GPR85: variants seen among roughly 807,000 people sequenced by gnomAD.
GPR85 encodes probable G protein-coupled receptor 85.
Under a neutral mutation model 21.3 loss-of-function variants are expected in GPR85, and 7 were observed. The observed-to-expected ratio is 0.33, with a 90% CI of 0.19 to 0.62. GPR85 has a LOEUF of 0.62. Among genes scored for constraint, GPR85 ranks in the 20% least tolerant of loss-of-function variants. The probability of loss-of-function intolerance (pLI) is 0.80; values close to 1 mark genes in which losing one functional copy is unlikely to be tolerated. For missense variants in GPR85, 299 were observed against 443.8 expected, an observed-to-expected ratio of 0.67 and a Z score of 2.93; for synonymous variants, 167 against 166.1, an observed-to-expected ratio of 1.01 and a Z score of -0.04.
rs201467331 is a variant in GPR85, at chr7:113,084,780, C to G, written c.-59G>C. 5 of 1,254,272 alleles carry G rather than the reference C, an allele frequency of 4.0e-6. No individual in the cohort carries two copies. The East Asian group carries it at 1.2e-4, about 30-fold the overall frequency. The allele number at this position is 1,254,272 out of a possible 1,614,324, so 77.7% of individuals were successfully genotyped here. On this transcript the variant is annotated 5_prime_UTR_variant, in exon 3 of 3. Transcript: ENST00000424100. ...AAGTCTCATGATCTAGATATAAGAA[C>G]AAGGAAAAGATAGATCCATACATTT...
chr7:113,084,810 G>T lies in GPR85; in HGVS notation c.-89C>A. ...AAAAGATAGATCCATACATTTTACT[G>T]AAAATATAATCCACAAAGAGAACTG... On this transcript the variant is annotated 5_prime_UTR_variant, in exon 3 of 3. An upstream open reading frame in the 5' UTR gains an earlier in-frame stop. Transcript: ENST00000424100. 4 of 849,524 alleles carry T rather than the reference G, an allele frequency of 4.7e-6. No homozygotes were observed. Among genetic ancestry groups the T allele is most frequent in the Non-Finnish European group, 7.0e-6 (4 of 572,214 alleles). 52.6% of individuals were successfully genotyped at this position (849,524 alleles called of 1,614,324 possible). A position where few individuals can be genotyped will look rare whatever the true frequency, so the allele number is the denominator to read the frequency against.
chr7:113,083,480 A>C lies in GPR85; in HGVS notation c.*129T>G. On this transcript the variant is annotated 3_prime_UTR_variant, in exon 3 of 3. Transcript: ENST00000424100. The surrounding 1 kb of genome is among the most constrained non-coding windows in gnomAD (Gnocchi z 4.4). ...ATAGGTGAACTATTGCAAAGACTGC[A>C]GAATGTTGCCCAAATCCTTAAAACT... 1 of 816,972 alleles carries C rather than the reference A, an allele frequency of 1.2e-6. No homozygotes were observed. The highest frequency in any genetic ancestry group is 2.0e-6 in the Non-Finnish European group (1 of 499,842). 50.6% of individuals were successfully genotyped at this position (816,972 alleles called of 1,614,324 possible).
intron 2 of GPR85, 150 bp from the exon 3 acceptor site, chr7:113,085,041 G>T: frequency 4.4e-6 from 1 of 229,000 alleles, no homozygotes; most frequent in Non-Finnish European, 8.6e-6. Flanking sequence ...TTTTGCTCGA[G>T]ATTTCAGAGA....
In GPR85 at chr7:113,084,641, C is replaced by T. The variant is rs752455459; in HGVS notation, c.81G>A (p.Leu27=). The change falls in exon 3 of 3, where the codon TTG becomes TTA. Residue 27 remains leucine, a synonymous_variant. Coordinates refer to ENST00000424100, the MANE Select transcript of GPR85 (RefSeq NM_001146267.2). ...PLTAFLKLTS[L]GFIIGVSVVG... is the part of the protein sequence containing the mutation. ...CCACGCTGACTCCTATTATGAAACC[C>T]AAGGAAGTCAGTTTCAGAAAGGCTG... The T allele has an allele frequency of 6.2e-7, 1 of 1,613,262 alleles. No homozygotes were observed. Among genetic ancestry groups the T allele is most frequent in the Non-Finnish European group, 8.5e-7 (1 of 1,179,316 alleles).
Position 113,083,945 on chromosome 7 carries a change from G to A in GPR85, c.777C>T (p.Ile259=). ...TGCCTGTGGTGTTTGCATTTTGCCT[G>A]ATGCCCAGCAAGGTGGGTGGTGTGG... ...RGPTPPTLLG[I]RQNANTTGRR... Residue 259 remains isoleucine, a synonymous_variant, in exon 3 of 3, where the codon ATC becomes ATT. Coordinates refer to ENST00000424100, the MANE Select transcript of GPR85 (RefSeq NM_001146267.2). The surrounding 1 kb of genome is among the most constrained non-coding windows in gnomAD (Gnocchi z 4.4). 1 of 1,614,184 alleles carries A rather than the reference G, an allele frequency of 6.2e-7. No homozygotes were observed. Among genetic ancestry groups the A allele is most frequent in the Non-Finnish European group, 8.5e-7 (1 of 1,180,012 alleles).
chr7:113,083,671 T>A lies in GPR85; in HGVS notation c.1051A>T (p.Ser351Cys). Residue 351 changes from serine (S) to cysteine (C), a missense_variant, in exon 3 of 3, where the codon AGC (serine) becomes TGC (cysteine). Coordinates refer to ENST00000424100, the MANE Select transcript of GPR85 (RefSeq NM_001146267.2). The surrounding 1 kb of genome is among the most constrained non-coding windows in gnomAD (Gnocchi z 4.4). ...TTTCTGCAGTAAAGAAGGGTTGTGC[T>A]GAAACAGCGCCTCAGCTCCCTGTTT... is the stretch of plus-strand genomic sequence containing the variant. ...FSNRELRRCF[S>C]TTLLYCRKSR... 6.2e-7 allele frequency: 1 copy of A among 1,614,198 alleles called. No individual in the cohort carries two copies. The highest frequency in any genetic ancestry group is 8.5e-7 in the Non-Finnish European group (1 of 1,180,022).
rs755607460 is a variant in GPR85 at position 113,084,456 on chromosome 7, T to G, written c.266A>C (p.Tyr89Ser). ...AATCACTTTGCAAGTCAGAGTCCCA[T>G]AAGTCCAGGTAGAACCATTTTTGAC... ...NSVKNGSTWT[Y>S]GTLTCKVIAF... The change falls in exon 3 of 3, where the codon TAT (tyrosine) becomes TCT (serine). Residue 89 changes from tyrosine to serine, a missense_variant. Coordinates refer to ENST00000424100, the MANE Select transcript of GPR85 (RefSeq NM_001146267.2). 1 of 1,613,950 alleles carries G rather than the reference T, an allele frequency of 6.2e-7. No individual in the cohort carries two copies. The highest frequency in any genetic ancestry group is 1.3e-5 in the African/African-American group (1 of 74,902).
At position 113,086,400 on chromosome 7, in the gene GPR85, T is replaced by TTTTTTTTTTTTTTTG. The variant is rs1562996769; in HGVS notation, c.-368_-367insCAAAAAAAAAAAAAA. 5.6e-4 allele frequency: 48 copies of TTTTTTTTTTTTTTTG among 85,332 alleles called. 8 individuals are homozygous for TTTTTTTTTTTTTTTG. The highest frequency in any genetic ancestry group is 2.4e-3 in the East Asian group (6 of 2,524). The allele number at this position is 85,332 out of a possible 1,614,324, so 5.3% of individuals were successfully genotyped here. ...TTTTTTTCTTTTTTTCTTTTTCTTT[T>TTTTTTTTTTTTTTTG]TTTTTTTTTTTTTTTTGTTTTTTGT... On this transcript the variant is annotated 5_prime_UTR_variant, in exon 1 of 3. Coordinates refer to ENST00000424100, the MANE Select transcript of GPR85 (RefSeq NM_001146267.2).
Position 113,084,894 on chromosome 7 carries a change from GAAAA to G in GPR85, c.-170-7_-170-4del, listed in dbSNP as rs35953390. ...CACTTGTTTTGCCATCAGAATATCT[GAAAA>G]AAAAAAAAAAAAAAACCTATCAGTT... is the stretch of plus-strand genomic sequence containing the variant. On this transcript the variant is annotated splice_region_variant and splice_polypyrimidine_tract_variant and intron_variant, in intron 2 of 2. Coordinates refer to ENST00000424100, the MANE Select transcript of GPR85 (RefSeq NM_001146267.2). The G allele has an allele frequency of 4.4e-4, 93 of 209,970 alleles. No individual in the cohort carries two copies. Among genetic ancestry groups the G allele is most frequent in the Middle Eastern group, 1.4e-3 (1 of 722 alleles). The allele number at this position is 209,970 out of a possible 1,614,324, so 13.0% of individuals were successfully genotyped here.
Position 113,083,346 on chromosome 7 carries a change from A to T in GPR85, c.*263T>A. On this transcript the variant is annotated 3_prime_UTR_variant, in exon 3 of 3. Coordinates refer to ENST00000424100, the MANE Select transcript of GPR85 (RefSeq NM_001146267.2). This position sits in a 1 kb window ranked among gnomAD's most constrained non-coding sequence, Gnocchi z 4.4. The stretch of plus-strand genomic sequence containing the variant: ...ATACTTAGCACCTGCTACTTTCATT[A>T]TCTAGTTTTTGACCACATAAAGAAA... 1 of 409,550 alleles carries T rather than the reference A, an allele frequency of 2.4e-6. No individual in the cohort carries two copies. The highest frequency in any genetic ancestry group is 4.3e-6 in the Non-Finnish European group (1 of 230,162). 25.4% of individuals were successfully genotyped at this position (409,550 alleles called of 1,614,324 possible).
rs1794303511 is a variant in GPR85 at position 113,086,432 on chromosome 7, T to TTTG, written c.-400_-399insCAA. The TTTG allele has an allele frequency of 8.7e-6, 1 of 115,338 alleles. No homozygotes were observed. The highest frequency in any genetic ancestry group is 1.8e-5 in the Non-Finnish European group (1 of 54,468). The allele number at this position is 115,338 out of a possible 1,614,324, so 7.1% of individuals were successfully genotyped here. ...TTTTTTTTTTGTTTTTTGTTTTTTTTTTTTTTTTTTTTGCCTTAGTGCCTT... is the reference window on the plus strand; with the variant it reads ...TTTTTTTTTTGTTTTTTGTTTTTTTTTTGTTTTTTTTTTTTGCCTTAGTGCCTT... On this transcript the variant is annotated 5_prime_UTR_variant, in exon 1 of 3. Transcript: ENST00000424100.
intron 2 of GPR85, 101 bp from the exon 3 acceptor site, chr7:113,084,992 G>C: frequency 3.1e-6 from 1 of 323,586 alleles, no homozygotes; most frequent in Non-Finnish European, 5.7e-6. Flanking sequence ...AGCAAATAAA[G>C]TTTTAATTTT....
rs982838065 is a variant in GPR85, at chr7:113,082,743, T to C, written c.*866A>G. 1 of 152,316 alleles carries C rather than the reference T, an allele frequency of 6.6e-6. No individual in the cohort carries two copies. The highest frequency in any genetic ancestry group is 1.5e-5 in the Non-Finnish European group (1 of 67,970). 9.4% of individuals were successfully genotyped at this position (152,316 alleles called of 1,614,324 possible). On this transcript the variant is annotated 3_prime_UTR_variant, in exon 3 of 3. Coordinates refer to ENST00000424100, the MANE Select transcript of GPR85 (RefSeq NM_001146267.2). The stretch of plus-strand genomic sequence containing the variant: ...TTACTGATTTGATTTCCCTTGGCTA[T>C]TTGCTCCAGTGCTAAATAAGATGAA...
In GPR85 at chr7:113,086,057, A is replaced by T. The variant is rs1010364864; in HGVS notation, c.-236T>A. ...ACCGTTCCCGGTGATTCGCAGTCTG[A>T]TATTCCTCAGTCTTGTAAGGCTTTC... On this transcript the variant is annotated 5_prime_UTR_variant, in exon 2 of 3. Transcript: ENST00000424100. 2 of 152,594 alleles carry T rather than the reference A, an allele frequency of 1.3e-5. No individual in the cohort carries two copies. Among genetic ancestry groups the T allele is most frequent in the Non-Finnish European group, 2.9e-5 (2 of 68,076 alleles). 9.5% of individuals were successfully genotyped at this position (152,594 alleles called of 1,614,324 possible).
rs1794297322 is a variant in GPR85, at chr7:113,086,419, T to TTTTTTTTTTTTTTTTTTTTTTTTTTC, written c.-387_-386insGAAAAAAAAAAAAAAAAAAAAAAAAA. On this transcript the variant is annotated 5_prime_UTR_variant, in exon 1 of 3. It removes the in-frame stop codon of an upstream open reading frame in the 5' UTR. Coordinates refer to ENST00000424100, the MANE Select transcript of GPR85 (RefSeq NM_001146267.2). ...TTCTTTTTTTTTTTTTTTTTTTTGT[T>TTTTTTTTTTTTTTTTTTTTTTTTTTC]TTTTGTTTTTTTTTTTTTTTTTTTT... 1.1e-5 allele frequency: 1 copy of TTTTTTTTTTTTTTTTTTTTTTTTTTC among 87,136 alleles called. No individual in the cohort carries two copies. Among genetic ancestry groups the TTTTTTTTTTTTTTTTTTTTTTTTTTC allele is most frequent in the African/African-American group, 4.8e-5 (1 of 20,754 alleles). 5.4% of individuals were successfully genotyped at this position (87,136 alleles called of 1,614,324 possible). A position where few individuals can be genotyped will look rare whatever the true frequency, so the allele number is the denominator to read the frequency against.
upstream of GPR85, among the ~76,000 whole-genome samples, chr7:113,087,032 G>T (rs1049036500): frequency 6.6e-6 from 1 of 152,086 alleles, no homozygotes; most frequent in African/African-American, 2.4e-5. Flanking sequence ...AAGAAAAAAA[G>T]TTATTTATTT....
chr7:113,084,733 G>A lies in GPR85; in HGVS notation c.-12C>T, dbSNP rs1794228325. 3 of 1,600,500 alleles carry A rather than the reference G, an allele frequency of 1.9e-6. No homozygotes were observed. The highest frequency in any genetic ancestry group is 2.6e-6 in the Non-Finnish European group (3 of 1,171,264). On this transcript the variant is annotated 5_prime_UTR_variant, in exon 3 of 3. Coordinates refer to ENST00000424100, the MANE Select transcript of GPR85 (RefSeq NM_001146267.2). The stretch of plus-strand genomic sequence containing the variant: ...CTATAGTTCGCCATAGATGGATGGA[G>A]GATAAGGATACAGCCTCAGTCAAGT...
chr7:113,086,399 T>TTTTTTTTTTTTTTTG lies in GPR85; in HGVS notation c.-367_-366insCAAAAAAAAAAAAAA, dbSNP rs1794287525. On this transcript the variant is annotated 5_prime_UTR_variant, in exon 1 of 3. Coordinates refer to ENST00000424100, the MANE Select transcript of GPR85 (RefSeq NM_001146267.2). ...ATTTTTTTCTTTTTTTCTTTTTCTT[T>TTTTTTTTTTTTTTTG]TTTTTTTTTTTTTTTTTGTTTTTTG... is the stretch of plus-strand genomic sequence containing the variant. 2.9e-5 allele frequency: 1 copy of TTTTTTTTTTTTTTTG among 35,028 alleles called. No homozygotes were observed. Among genetic ancestry groups the TTTTTTTTTTTTTTTG allele is most frequent in the African/African-American group, 9.0e-5 (1 of 11,086 alleles). The allele number at this position is 35,028 out of a possible 1,614,324, so 2.2% of individuals were successfully genotyped here. A position where few individuals can be genotyped will look rare whatever the true frequency, so the allele number is the denominator to read the frequency against.
In GPR85 at chr7:113,083,799, C is replaced by T. The variant is rs1794198401; in HGVS notation, c.923G>A (p.Arg308Lys). ...TACTACAGGCCCTCTTGCAAAAACT[C>T]TCCAATAACAGGCCACCAGGTAGGG... is the stretch of plus-strand genomic sequence containing the variant. ...WGPYLVACYW[R>K]VFARGPVVPG... The change falls in exon 3 of 3, where the codon AGA becomes AAA. Residue 308 changes from arginine to lysine, a missense_variant. Physicochemically the swap from Arg to Lys is conservative, Grantham distance 26. Transcript: ENST00000424100. The surrounding 1 kb of genome is among the most constrained non-coding windows in gnomAD (Gnocchi z 4.4). 3 of 1,614,096 alleles carry T rather than the reference C, an allele frequency of 1.9e-6. No individual in the cohort carries two copies. Among genetic ancestry groups the T allele is most frequent in the Admixed American group, 1.7e-5 (1 of 60,006 alleles).
Sources: allele counts gnomAD v4.1 joint callset (sites outside exome capture counted in the v4.1 genomes callset), GRCh38; gene constraint gnomAD v4.1.1; non-coding constraint Gnocchi (gnomAD v3.1); transcripts MANE v1.5; gene names NCBI Gene and HGNC (gene_info 2026-07-23, HGNC 2026-07-21).